CACNA1E: variants seen among roughly 807,000 people sequenced by gnomAD.
CACNA1E encodes the protein calcium voltage-gated channel subunit alpha1 E.
In CACNA1E, 40 loss-of-function variants were observed where a neutral mutation model predicts 259.2. That is an observed-to-expected ratio of 0.15 (90% CI 0.12 to 0.20). The LOEUF (loss-of-function observed/expected upper bound fraction) is 0.20. Among genes scored for constraint, CACNA1E ranks in the 10% least tolerant of loss-of-function variants. The pLI, the probability that CACNA1E is intolerant of heterozygous loss-of-function variation, is 1.00. For missense variants in CACNA1E, 1,874 were observed against 3,040.1 expected (o/e 0.62, Z 9.02); for synonymous variants, 1,104 against 1,138.5 (o/e 0.97, Z 0.61).
chr1:181,769,683 A>T (rs1205933169), intron 35 of CACNA1E, among the ~76,000 whole-genome samples: 1 of 152,172 alleles, frequency 6.6e-6, no homozygotes, highest in Non-Finnish European at 1.5e-5. Context: ...TTAGTTTGTG[A>T]TTGGATGAGG....
Position 181,724,501 on chromosome 1 carries a change from T to C in CACNA1E, c.2106T>C (p.Ala702=). The change falls in exon 17 of 48, where the codon GCT becomes GCC. Residue 702 remains alanine (A), a synonymous_variant. Coordinates refer to ENST00000367573, the MANE Select transcript of CACNA1E (RefSeq NM_001205293.3). ...TACTGAATGTGTTCTTGGCTATCGCTGTGGATAATCTCGCCAACGCCCAGG... is the reference window on the plus strand; with the variant it reads ...TACTGAATGTGTTCTTGGCTATCGCCGTGGATAATCTCGCCAACGCCCAGG... The part of the protein sequence containing the change: ...YTLLNVFLAI[A]VDNLANAQEL... The C allele has an allele frequency of 6.2e-7, 1 of 1,613,476 alleles. No individual in the cohort carries two copies.
At chr1:181,626,629 C>T (rs1656228936) in intron 6 of CACNA1E, among the ~76,000 whole-genome samples, 1 of 152,110 alleles carries the variant, frequency 6.6e-6, no homozygotes, top group Non-Finnish European at 1.5e-5. Context: ...ATGAAAAGTA[C>T]CTGGAATTGT....
chr1:181,593,491 A>G (rs539934485), intron 6 of CACNA1E, among the ~76,000 whole-genome samples: 1 of 152,346 alleles, frequency 6.6e-6, no homozygotes, highest in Non-Finnish European at 1.5e-5. Flanking sequence ...AACTGTGAAT[A>G]ACTGGTGAAA....
chr1:181,756,784 C>G, intron 29 of CACNA1E, 141 bp from the exon 30 acceptor site: 1 of 633,782 alleles, frequency 1.6e-6, no homozygotes, highest in Non-Finnish European at 2.8e-6. Flanking sequence ...GATATGACAA[C>G]TTGGGTTTGG....
intron 3 of CACNA1E, among the ~76,000 whole-genome samples, chr1:181,555,556 A>G (rs1193440704): frequency 1.3e-5 from 2 of 152,252 alleles, no homozygotes; most frequent in Non-Finnish European, 2.9e-5. Context: ...ACATAAAGAG[A>G]ATAACCAGGT....
intron 25 of CACNA1E, among the ~76,000 whole-genome samples, chr1:181,746,991 C>T (rs371756623): frequency 1.3e-5 from 2 of 152,180 alleles, no homozygotes. Flanking sequence ...TATTTAATGT[C>T]TGCTATAGTG....
At chr1:181,679,045 C>G (rs200599283) in intron 7 of CACNA1E, among the ~76,000 whole-genome samples, 2 of 152,094 alleles carry the variant, frequency 1.3e-5, no homozygotes, top group East Asian at 3.9e-4. Context: ...TCTTTCACAC[C>G]TTTGCATGAC....
At chr1:181,390,138 T>C (rs533405727) in intron 1 of CACNA1E, among the ~76,000 whole-genome samples, 1 of 152,124 alleles carries the variant, frequency 6.6e-6, no homozygotes, top group Admixed American at 6.5e-5. Context: ...TAGGCAGGGC[T>C]ATGTGTCCAC....
intron 7 of CACNA1E, among the ~76,000 whole-genome samples, chr1:181,685,230 G>T (rs1285969319): frequency 8.2e-4 from 85 of 103,420 alleles, no homozygotes; most frequent in South Asian, 3.0e-3. Flanking sequence ...CCACCTTTAA[G>T]TTTTTTTTTT....
At chr1:181,548,571 G>C (rs1463223861) in intron 3 of CACNA1E, among the ~76,000 whole-genome samples, 10 of 152,152 alleles carry the variant, frequency 6.6e-5, no homozygotes, top group African/African-American at 2.4e-4. Flanking sequence ...ACAATGTCTT[G>C]CACATGGTTG....
At position 181,746,677 on chromosome 1, in the gene CACNA1E, T is replaced by C. The variant is rs116006716; in HGVS notation, c.3720-3799T>C. 6.3e-3 allele frequency among the ~76,000 whole-genome samples: 955 copies of C among 152,254 alleles called. 8 individuals are homozygous for C. The highest frequency in any genetic ancestry group is 0.022 in the African/African-American group (914 of 41,528). On this transcript the variant is annotated intron_variant, in intron 25 of 47. Coordinates refer to ENST00000367573, the MANE Select transcript of CACNA1E (RefSeq NM_001205293.3). ...GTTGTTTCATCTGTAACTTTTTTTTTCCTAGGAACCCTCATAGACCCTAAA... is the reference window on the plus strand; with the variant it reads ...GTTGTTTCATCTGTAACTTTTTTTTCCCTAGGAACCCTCATAGACCCTAAA...
chr1:181,379,424 C>T (rs1405368577), intron 1 of CACNA1E, among the ~76,000 whole-genome samples: 3 of 152,172 alleles, frequency 2.0e-5, no homozygotes, highest in Non-Finnish European at 4.4e-5. Flanking sequence ...AATCAAATTG[C>T]ATAATCAAGG....
At chr1:181,478,647 G>C (rs1318085592), upstream of CACNA1E, among the ~76,000 whole-genome samples, 1 of 152,226 alleles carries the variant, frequency 6.6e-6, no homozygotes, top group Non-Finnish European at 1.5e-5. Flanking sequence ...GGCAGGGTGG[G>C]GGAAGATGAA....
At chr1:181,640,044 C>G (rs1329233589) in intron 6 of CACNA1E, among the ~76,000 whole-genome samples, 1 of 152,132 alleles carries the variant, frequency 6.6e-6, no homozygotes, top group Non-Finnish European at 1.5e-5. Context: ...ATCAGTGTCC[C>G]TCACAGATGG....
At chr1:181,441,741 A>G (rs1660490165) in intron 2 of CACNA1E, among the ~76,000 whole-genome samples, 1 of 152,110 alleles carries the variant, frequency 6.6e-6, no homozygotes, top group Non-Finnish European at 1.5e-5. Context: ...CTGGGTTTGC[A>G]TGGGAGCTGG....
Position 181,796,692 on chromosome 1 carries a change from C to T in CACNA1E, c.6233C>T (p.Ser2078Leu). The T allele has an allele frequency of 1.2e-6, 2 of 1,605,198 alleles. No individual in the cohort carries two copies. Among genetic ancestry groups the T allele is most frequent in the Non-Finnish European group, 1.7e-6 (2 of 1,174,004 alleles). ...GGCCACAAGTCTGACACTCACCGCT[C>T]AGGGGGCAGGGAGCGGGGACGATCA... Reference protein sequence around the residue: ...DSGHKSDTHRSGGRERGRSKE... With the variant: ...DSGHKSDTHRLGGRERGRSKE... The change falls in exon 47 of 48, where the codon TCA becomes TTA. Residue 2078 changes from serine (S) to leucine (L), a missense_variant. By Grantham distance (145) the Ser-to-Leu change is moderately radical. This residue lies in a region of CACNA1E where 542 missense variants were observed against 587.2 expected (regional missense o/e 0.92). Coordinates refer to ENST00000367573, the MANE Select transcript of CACNA1E (RefSeq NM_001205293.3).
At chr1:181,726,421 C>T (rs187353643) in intron 18 of CACNA1E, among the ~76,000 whole-genome samples, 3 of 152,278 alleles carry the variant, frequency 2.0e-5, no homozygotes, top group Non-Finnish European at 4.4e-5. Flanking sequence ...TGGAGAAGTA[C>T]AGGAGCTGGG....
Position 181,483,707 on chromosome 1 carries a change from A to G in CACNA1E, c.-38A>G. 6.6e-7 allele frequency: 1 copy of G among 1,518,806 alleles called. No individual in the cohort carries two copies. Among genetic ancestry groups the G allele is most frequent in the African/African-American group, 1.4e-5 (1 of 71,096 alleles). The allele number at this position is 1,518,806 out of a possible 1,614,324, so 94.1% of individuals were successfully genotyped here. A position where few individuals can be genotyped will look rare whatever the true frequency, so the allele number is the denominator to read the frequency against. On this transcript the variant is annotated 5_prime_UTR_variant, in exon 1 of 48. Coordinates refer to ENST00000367573, the MANE Select transcript of CACNA1E (RefSeq NM_001205293.3). ...TGCTGTGTGCGGGTGTTCGGCCGCGATCACCTTTGTGTGTCTTCTGTCTGT... is the reference window on the plus strand; with the variant it reads ...TGCTGTGTGCGGGTGTTCGGCCGCGGTCACCTTTGTGTGTCTTCTGTCTGT...
chr1:181,724,523 C>G lies in CACNA1E; in HGVS notation c.2128C>G (p.Gln710Glu). 1 of 1,612,430 alleles carries G rather than the reference C, an allele frequency of 6.2e-7. No homozygotes were observed. The highest frequency in any genetic ancestry group is 8.5e-7 in the Non-Finnish European group (1 of 1,179,150). ...AIAVDNLANA[Q>E]ELTKDEQEEE... ...CGCTGTGGATAATCTCGCCAACGCC[C>G]AGGAACTGACCAAGGTAAGCATTGT... Residue 710 changes from glutamine to glutamate, a missense_variant, in exon 17 of 48, where the codon CAG becomes GAG. Transcript: ENST00000367573.
Sources: allele counts gnomAD v4.1 joint callset (sites outside exome capture counted in the v4.1 genomes callset), GRCh38; gene constraint gnomAD v4.1.1; regional missense constraint gnomAD v4.1.1; transcripts MANE v1.5; gene names NCBI Gene and HGNC (gene_info 2026-07-23, HGNC 2026-07-21).